The following SOX5 variants were observed in gnomAD, a reference collection of about 807,000 sequenced individuals.
The protein encoded by SOX5 is SRY-box transcription factor 5.
SOX5 carries 9 observed loss-of-function variants against 92.0 expected under a neutral mutation model. That is an observed-to-expected ratio of 0.10 (90% CI 0.06 to 0.17). SOX5 has a LOEUF of 0.17. Among genes scored for constraint, SOX5 ranks in the 10% least tolerant of loss-of-function variants. SOX5 has a pLI of 1.00. For missense variants in SOX5, 642 were observed against 944.5 expected, an observed-to-expected ratio of 0.68 and a Z score of 4.20; for synonymous variants, 344 against 336.3, an observed-to-expected ratio of 1.02 and a Z score of -0.25.
chr12:24,257,000 C>G (rs773514378), intron 3 of SOX5, among the ~76,000 whole-genome samples: 1 of 152,188 alleles, frequency 6.6e-6, no homozygotes, highest in Non-Finnish European at 1.5e-5. Flanking sequence ...AGAAAACCAT[C>G]AGGAATACAA....
intron 1 of SOX5, among the ~76,000 whole-genome samples, chr12:23,901,231 G>A (rs1381128042): frequency 3.3e-5 from 5 of 152,086 alleles, no homozygotes; most frequent in South Asian, 2.1e-4. Context: ...AGATGAGGCC[G>A]TGAACCAAGG....
chr12:23,822,404 G>A (rs2096137637), intron 3 of SOX5, among the ~76,000 whole-genome samples: 1 of 152,146 alleles, frequency 6.6e-6, no homozygotes, highest in African/African-American at 2.4e-5. Flanking sequence ...TCAGGAGCAG[G>A]TTGTTCAGTT....
At chr12:24,410,495 TAG>T (rs1430105077) in intron 1 of SOX5, among the ~76,000 whole-genome samples, 1 of 152,224 alleles carries the variant, frequency 6.6e-6, no homozygotes, top group Non-Finnish European at 1.5e-5. Flanking sequence ...TTATAAGACG[TAG>T]GTCAAGGGTT....
chr12:24,533,128 C>T (rs562994488), intron 1 of SOX5, among the ~76,000 whole-genome samples: 1 of 152,162 alleles, frequency 6.6e-6, no homozygotes, highest in East Asian at 1.9e-4. Context: ...AGATGCATTT[C>T]TAGGTTTTTT....
At chr12:23,902,579 AT>A (rs1381112768) in intron 1 of SOX5, among the ~76,000 whole-genome samples, 1 of 132,440 alleles carries the variant, frequency 7.6e-6, no homozygotes, top group Non-Finnish European at 1.8e-5. Flanking sequence ...GCATAAAAAA[AT>A]TAAACATTTT....
At chr12:23,689,948 G>A (rs938153717) in intron 6 of SOX5, among the ~76,000 whole-genome samples, 1 of 152,124 alleles carries the variant, frequency 6.6e-6, no homozygotes, top group Non-Finnish European at 1.5e-5. Flanking sequence ...CCAATTTCTT[G>A]TTGATATTGT....
At chr12:23,772,186 G>A (rs747173195) in intron 3 of SOX5, among the ~76,000 whole-genome samples, 1 of 152,184 alleles carries the variant, frequency 6.6e-6, no homozygotes, top group Non-Finnish European at 1.5e-5. Context: ...AAGAGAAATG[G>A]TAGAAATATC....
chr12:23,697,181 A>G (rs557579584), intron 6 of SOX5, among the ~76,000 whole-genome samples: 23 of 152,280 alleles, frequency 1.5e-4, no homozygotes, highest in African/African-American at 5.3e-4. Context: ...GAAATATCCA[A>G]CTGTAATTGT....
intron 4 of SOX5, among the ~76,000 whole-genome samples, chr12:24,158,426 T>C (rs184717158): frequency 1.2e-4 from 18 of 152,068 alleles, no homozygotes; most frequent in Non-Finnish European, 2.2e-4. Flanking sequence ...TTACCCAGAA[T>C]GAATACATAT....
rs546393076 is a variant in SOX5 at position 24,314,441 on chromosome 12, A to G, written c.-173-37129T>C. Among the ~76,000 whole-genome samples, 70 of 152,180 alleles carry G rather than the reference A, an allele frequency of 4.6e-4. No individual in the cohort carries two copies. In the South Asian group the frequency reaches 6.0e-3, roughly 13 times the overall value. On this transcript the variant is annotated intron_variant, in intron 2 of 4. Transcript: ENST00000446891. ...AATGACGAGTTAATGGGTGCAGCAC[A>G]CCAATATGGCACATGTATACATATG...
intron 4 of SOX5, among the ~76,000 whole-genome samples, chr12:24,174,605 T>A (rs1299572599): frequency 2.0e-5 from 3 of 152,140 alleles, no homozygotes; most frequent in East Asian, 3.9e-4. Context: ...GCAGATCACC[T>A]GAGGTCAGGA....
intron 4 of SOX5, among the ~76,000 whole-genome samples, chr12:24,116,489 C>A (rs1005641264): frequency 6.6e-6 from 1 of 151,982 alleles, no homozygotes; most frequent in African/African-American, 2.4e-5. Flanking sequence ...TTTTCCATAA[C>A]CTTCCCGGAG....
chr12:23,776,096 C>T (rs767770331), intron 3 of SOX5, among the ~76,000 whole-genome samples: 5 of 152,140 alleles, frequency 3.3e-5, no homozygotes, highest in Non-Finnish European at 5.9e-5. Context: ...TATAATCGTA[C>T]TCAGAGAAAA....
intron 4 of SOX5, among the ~76,000 whole-genome samples, chr12:24,062,052 C>T (rs181503874): frequency 6.6e-6 from 1 of 152,190 alleles, no homozygotes; most frequent in African/African-American, 2.4e-5. Flanking sequence ...CAACTAATTG[C>T]CATCAAATGG....
At chr12:23,888,191 A>G (rs1022684681) in intron 2 of SOX5, among the ~76,000 whole-genome samples, 1 of 152,128 alleles carries the variant, frequency 6.6e-6, no homozygotes, top group African/African-American at 2.4e-5. Context: ...ATAAATATTC[A>G]TTGTATATAT....
At chr12:23,609,534 GACAA>G (rs150653085) in intron 8 of SOX5, among the ~76,000 whole-genome samples, 2,130 of 152,214 alleles carry the variant, frequency 0.014, 52 homozygotes, top group African/African-American at 0.049. Context: ...GAAAAGAAAA[GACAA>G]ACAGAGGAAC....
intron 8 of SOX5, among the ~76,000 whole-genome samples, chr12:23,638,859 G>GA (rs150043390): frequency 0.08 from 11,778 of 146,552 alleles, 598 homozygotes; most frequent in Non-Finnish European, 0.11. Context: ...GCATGTGTTT[G>GA]TTCTGAATAA....
intron 4 of SOX5, among the ~76,000 whole-genome samples, chr12:23,979,698 G>GTTTTTTTGTTTTTT (rs1949313537): frequency 1.4e-4 from 9 of 64,690 alleles, no homozygotes; most frequent in Non-Finnish European, 1.9e-4. Context: ...ATATATATAT[G>GTTTTTTTGTTTTTT]TTTTTTTTGT....
At chr12:24,005,765 G>A (rs1952088163) in intron 4 of SOX5, among the ~76,000 whole-genome samples, 1 of 152,124 alleles carries the variant, frequency 6.6e-6, no homozygotes, top group South Asian at 2.1e-4. Flanking sequence ...AGATACAGCT[G>A]TCACCATGCA....
Sources: allele counts gnomAD v4.1 joint callset (sites outside exome capture counted in the v4.1 genomes callset), GRCh38; gene constraint gnomAD v4.1.1; transcripts MANE v1.5; gene names NCBI Gene and HGNC (gene_info 2026-07-23, HGNC 2026-07-21).